WASF3: variants seen among roughly 807,000 people sequenced by gnomAD.
WASF3 encodes actin-binding protein WASF3.
In WASF3, 11 loss-of-function variants were observed where a neutral mutation model predicts 46.6. The observed-to-expected ratio is 0.24, with a 90% CI of 0.15 to 0.39. WASF3 has a LOEUF of 0.39. WASF3 is among the 10% of genes least tolerant of loss of function. The pLI is 1.00. For synonymous variants in WASF3, 242 were observed against 259.7 expected (o/e 0.93, Z 0.65); for missense variants, 576 against 669.8 (o/e 0.86, Z 1.55).
At chr13:26,608,744 C>T (rs184437200) in intron 1 of WASF3, among the ~76,000 whole-genome samples, 8 of 152,256 alleles carry the variant, frequency 5.3e-5, no homozygotes, top group Admixed American at 5.2e-4. Flanking sequence ...AGAGGAGAAA[C>T]ACAAAGATTG....
chr13:26,642,031 T>C (rs1486368287), intron 2 of WASF3: 6 of 266,636 alleles, frequency 2.3e-5, no homozygotes, highest in African/African-American at 8.9e-5. Flanking sequence ...GTCAGAAATA[T>C]GGAATATATT....
chr13:26,540,258 A>G, the WASF3 span, among the ~76,000 whole-genome samples: 9 of 152,102 alleles, frequency 5.9e-5, no homozygotes, highest in Non-Finnish European at 1.2e-4. Context: ...TCTGCCATTC[A>G]TCCCCCTCTC....
At chr13:26,575,171 CT>C (rs1235405860) in intron 1 of WASF3, among the ~76,000 whole-genome samples, 2 of 151,994 alleles carry the variant, frequency 1.3e-5, no homozygotes, top group Non-Finnish European at 2.9e-5. Context: ...TTTTTACTGT[CT>C]TGTATGCTAC....
At position 26,658,129 on chromosome 13, in the gene WASF3, A is replaced by G. The variant is rs1025076948; in HGVS notation, c.134-6899A>G. Among the ~76,000 whole-genome samples the G allele has an allele frequency of 9.1e-3, 56 of 6,124 alleles. No homozygotes were observed. In the Non-Finnish European group the frequency reaches 0.14, roughly 15 times the overall value. The allele number at this position is 6,124 out of a possible 152,430, so 4.0% of individuals were successfully genotyped here. The stretch of plus-strand genomic sequence containing the variant: ...ATTGCTGTCACTTTTGCAAGAGGCT[A>G]TTGTGTATACACTCCCATAGTCTTG... On this transcript the variant is annotated intron_variant, in intron 3 of 9. Coordinates refer to ENST00000335327, the MANE Select transcript of WASF3 (RefSeq NM_006646.6).
chr13:26,544,647 G>A, the WASF3 span, among the ~76,000 whole-genome samples: 1 of 152,214 alleles, frequency 6.6e-6, no homozygotes, highest in Non-Finnish European at 1.5e-5. Flanking sequence ...ACCATCTATA[G>A]AAGAATCACA....
At chr13:26,658,064 A>T (rs1466661610) in intron 3 of WASF3, among the ~76,000 whole-genome samples, 2 of 152,300 alleles carry the variant, frequency 1.3e-5, no homozygotes, top group East Asian at 3.9e-4. Flanking sequence ...CTGAGAGTAC[A>T]TGATGTTGTT....
At chr13:26,645,115 T>C (rs545328405) in intron 3 of WASF3, among the ~76,000 whole-genome samples, 2 of 152,350 alleles carry the variant, frequency 1.3e-5, no homozygotes, top group African/African-American at 2.4e-5. Flanking sequence ...TCCCAACAAT[T>C]CCGCGTTGAA....
intron 1 of WASF3, among the ~76,000 whole-genome samples, chr13:26,592,089 AT>A (rs145506470): frequency 0.068 from 8,628 of 125,982 alleles, 663 homozygotes; most frequent in African/African-American, 0.2. Flanking sequence ...GCTTTGCTTG[AT>A]TTCTGGACCA....
chr13:26,622,372 A>C (rs1167677845), intron 2 of WASF3, among the ~76,000 whole-genome samples: 1 of 152,212 alleles, frequency 6.6e-6, no homozygotes, highest in African/African-American at 2.4e-5. Flanking sequence ...TAAAATATGT[A>C]ATAAAGACTT....
intron 3 of WASF3, among the ~76,000 whole-genome samples, chr13:26,646,522 C>A (rs150146583): frequency 2.6e-5 from 4 of 152,168 alleles, no homozygotes; most frequent in Admixed American, 2.6e-4. Context: ...GCTCACCCCC[C>A]ACACCTGTGT....
At chr13:26,612,428 A>G (rs1881007477) in intron 1 of WASF3, among the ~76,000 whole-genome samples, 1 of 152,214 alleles carries the variant, frequency 6.6e-6, no homozygotes, top group South Asian at 2.1e-4. Flanking sequence ...TGTCCTGGAA[A>G]CACCTTCTAG....
chr13:26,649,402 A>G (rs951444206), intron 3 of WASF3, among the ~76,000 whole-genome samples: 3 of 152,336 alleles, frequency 2.0e-5, no homozygotes, highest in South Asian at 4.1e-4. Context: ...GTTATGAAAA[A>G]TTTATTGAAG....
chr13:26,682,854 G>C lies in WASF3; in HGVS notation c.1231G>C (p.Gly411Arg), dbSNP rs752953513. 9.3e-6 allele frequency: 15 copies of C among 1,607,632 alleles called. No individual in the cohort carries two copies. The highest frequency in any genetic ancestry group is 3.3e-4 in the Middle Eastern group (2 of 6,054). The change falls in exon 9 of 10, where the codon GGG (glycine) becomes CGG (arginine). Residue 411 changes from glycine (G) to arginine (R), a missense_variant. Transcript: ENST00000335327. The surrounding 1 kb of genome is among the most constrained non-coding windows in gnomAD (Gnocchi z 4.4). ...PPPPPGPPGP[G>R]SSLSSSPMHG... is the part of the protein sequence containing the mutation. ...TCCCCCGCCAGGCCCTCCTGGTCCC[G>C]GGTCTTCTCTTTCGTCCTCCCCAAT... is the stretch of plus-strand genomic sequence containing the variant.
At chr13:26,561,420 G>T (rs1879291785) in intron 1 of WASF3, among the ~76,000 whole-genome samples, 1 of 152,082 alleles carries the variant, frequency 6.6e-6, no homozygotes, top group South Asian at 2.1e-4. Flanking sequence ...CTGTCCTTAG[G>T]TGGGGACAGA....
chr13:26,559,451 C>T (rs966394382), intron 1 of WASF3, among the ~76,000 whole-genome samples: 1 of 152,206 alleles, frequency 6.6e-6, no homozygotes. Context: ...ATGTGCTTCA[C>T]TATCTTCAAC....
chr13:26,568,633 C>T (rs1879544229), intron 1 of WASF3, among the ~76,000 whole-genome samples: 1 of 152,116 alleles, frequency 6.6e-6, no homozygotes, highest in South Asian at 2.1e-4. Flanking sequence ...AGGTCACATG[C>T]CAGTGCCAAC....
At chr13:26,624,061 T>G (rs565434803) in intron 2 of WASF3, among the ~76,000 whole-genome samples, 14 of 152,280 alleles carry the variant, frequency 9.2e-5, no homozygotes, top group African/African-American at 3.4e-4. Flanking sequence ...GCTTTGCAAA[T>G]GATATCCAGC....
At chr13:26,645,584 T>C (rs1223384543) in intron 3 of WASF3, among the ~76,000 whole-genome samples, 2 of 152,254 alleles carry the variant, frequency 1.3e-5, no homozygotes, top group East Asian at 3.9e-4. Context: ...CCTAAAGTAG[T>C]AGTCTTCCTT....
intron 2 of WASF3, chr13:26,618,662 C>T (rs1881214963): frequency 6.6e-6 from 1 of 152,214 alleles, no homozygotes; most frequent in African/African-American, 2.4e-5. Flanking sequence ...TATTGGTAGT[C>T]ATTTCCAGTT....
Sources: allele counts gnomAD v4.1 joint callset (sites outside exome capture counted in the v4.1 genomes callset), GRCh38; gene constraint gnomAD v4.1.1; non-coding constraint Gnocchi (gnomAD v3.1); transcripts MANE v1.5; gene names NCBI Gene and HGNC (gene_info 2026-07-23, HGNC 2026-07-21).